LYAR: variants seen among roughly 807,000 people sequenced by gnomAD.
The protein encoded by LYAR is Ly1 antibody reactive.
LYAR carries 37 observed loss-of-function variants against 45.2 expected under a neutral mutation model. That is an observed-to-expected ratio of 0.82 (90% CI 0.63 to 1.08). The LOEUF (loss-of-function observed/expected upper bound fraction) is 1.08. Ranked by LOEUF, LYAR falls within the 50% of genes least tolerant of loss-of-function variation. The probability of loss-of-function intolerance (pLI) is 0.00; values close to 1 mark genes in which losing one functional copy is unlikely to be tolerated. For missense variants in LYAR, 493 were observed against 451.0 expected, an observed-to-expected ratio of 1.09 and a Z score of -0.84; for synonymous variants, 176 against 155.1, an observed-to-expected ratio of 1.14 and a Z score of -1.00.
intron 8 of LYAR, among the ~76,000 whole-genome samples, chr4:4,269,909 T>G (rs1239174716): frequency 6.6e-6 from 1 of 152,186 alleles, no homozygotes; most frequent in Non-Finnish European, 1.5e-5. Flanking sequence ...TATTTCACAA[T>G]GTACATGTAT....
At position 4,268,534 on chromosome 4, in the gene LYAR, T is replaced by C. The variant is rs889173088; in HGVS notation, c.1001A>G (p.Lys334Arg). The C allele has an allele frequency of 6.2e-7, 1 of 1,609,542 alleles. No individual in the cohort carries two copies. Among genetic ancestry groups the C allele is most frequent in the Admixed American group, 1.7e-5 (1 of 59,800 alleles). The change falls in exon 9 of 10, where the codon AAA becomes AGA. Residue 334 changes from lysine (K) to arginine (R), a missense_variant. Lys to Arg is a conservative substitution (Grantham distance 26, BLOSUM62 2). Coordinates refer to ENST00000343470, the MANE Select transcript of LYAR (RefSeq NM_017816.3). ...GGGTTTGTTCATATGCCATACCTTTTTCCTTAGCTTTTTGATGGTTATTTC... is the reference window on the plus strand; with the variant it reads ...GGGTTTGTTCATATGCCATACCTTTCTCCTTAGCTTTTTGATGGTTATTTC... ...DNEITIKKLR[K>R]KVLAQYYTVT...
At chr4:4,281,139 C>T (rs7666580) in intron 4 of LYAR, among the ~76,000 whole-genome samples, 1 of 152,158 alleles carries the variant, frequency 6.6e-6, no homozygotes, top group Non-Finnish European at 1.5e-5. Flanking sequence ...ATTAACATGG[C>T]TTGAGTTATA....
rs1047035744 is a variant in LYAR at position 4,275,844 on chromosome 4, C to A, written c.430-1075G>T. Among the ~76,000 whole-genome samples the A allele has an allele frequency of 2.6e-5, 4 of 152,202 alleles. No homozygotes were observed. The East Asian group carries it at 5.8e-4, about 22-fold the overall frequency. ...CTGAGTAGCTGGGATTACAGGCATG[C>A]ACCACCACACCTGGCTAATTTTTGT... On this transcript the variant is annotated intron_variant, in intron 6 of 9. Transcript: ENST00000343470.
At chr4:4,289,255 C>T (rs1719755925) in intron 1 of LYAR, among the ~76,000 whole-genome samples, 1 of 152,186 alleles carries the variant, frequency 6.6e-6, no homozygotes, top group South Asian at 2.1e-4. Flanking sequence ...CCTACCCCAC[C>T]CACGGCATCA....
chr4:4,281,990 T>A, intron 3 of LYAR, 93 bp from the exon 4 acceptor site: 6 of 753,832 alleles, frequency 8.0e-6, no homozygotes, highest in East Asian at 5.0e-5. Context: ...TGGTCTACAC[T>A]GTATATTTTC....
At chr4:4,275,889 T>A (rs1006212107) in intron 6 of LYAR, among the ~76,000 whole-genome samples, 1 of 152,100 alleles carries the variant, frequency 6.6e-6, no homozygotes, top group Non-Finnish European at 1.5e-5. Flanking sequence ...AGAGACAGGG[T>A]TTCACCATGT....
chr4:4,285,686 C>A (rs1354552886), intron 2 of LYAR, among the ~76,000 whole-genome samples: 1 of 152,192 alleles, frequency 6.6e-6, no homozygotes, highest in African/African-American at 2.4e-5. Context: ...AAAAAACAGT[C>A]TCTGAAACTT....
At chr4:4,275,168 T>C (rs993270772) in intron 6 of LYAR, among the ~76,000 whole-genome samples, 4 of 152,238 alleles carry the variant, frequency 2.6e-5, no homozygotes, top group Non-Finnish European at 5.9e-5. Flanking sequence ...TATTAATTCC[T>C]AGTCAGGTGA....
chr4:4,278,715 T>C (rs980793215), intron 6 of LYAR, among the ~76,000 whole-genome samples: 1 of 152,196 alleles, frequency 6.6e-6, no homozygotes, highest in Non-Finnish European at 1.5e-5. Flanking sequence ...ATTAAATAAA[T>C]GAATGAATAT....
At chr4:4,277,248 T>C (rs1452846205) in intron 6 of LYAR, among the ~76,000 whole-genome samples, 2 of 152,128 alleles carry the variant, frequency 1.3e-5, no homozygotes, top group African/African-American at 4.8e-5. Flanking sequence ...GGTTTCACCA[T>C]GTTGGTCAGG....
chr4:4,275,194 T>G (rs1232057681), intron 6 of LYAR, among the ~76,000 whole-genome samples: 1 of 152,198 alleles, frequency 6.6e-6, no homozygotes, highest in Non-Finnish European at 1.5e-5. Context: ...GGCAAGTCAT[T>G]TATCTTTTCC....
At chr4:4,277,196 G>C (rs866053895) in intron 6 of LYAR, among the ~76,000 whole-genome samples, 3 of 152,058 alleles carry the variant, frequency 2.0e-5, no homozygotes, top group African/African-American at 2.4e-5. Flanking sequence ...CTAGGCGCCT[G>C]CCACCACACC....
chr4:4,283,487 C>T, intron 3 of LYAR, 134 bp downstream of exon 3: 1 of 923,326 alleles, frequency 1.1e-6, no homozygotes, highest in Non-Finnish European at 1.6e-6. Context: ...CAGTTTTAAT[C>T]AATGGAACAT....
intron 8 of LYAR, 143 bp downstream of exon 8, chr4:4,273,440 T>C: frequency 1.6e-6 from 1 of 611,154 alleles, no homozygotes; most frequent in Non-Finnish European, 2.9e-6. Flanking sequence ...TCTCGCTTTT[T>C]GAAAGTGGTA....
chr4:4,276,570 C>T (rs912753451), intron 6 of LYAR, among the ~76,000 whole-genome samples: 1 of 143,584 alleles, frequency 7.0e-6, no homozygotes, highest in Admixed American at 7.1e-5. Context: ...AAAACGGATA[C>T]TGTAGGCCGG....
intron 6 of LYAR, among the ~76,000 whole-genome samples, chr4:4,275,943 G>A (rs1446421310): frequency 1.3e-5 from 2 of 152,318 alleles, no homozygotes; most frequent in East Asian, 1.9e-4. Flanking sequence ...TGATCCGCCC[G>A]ACCTGGCCTC....
At chr4:4,273,435 C>G (rs1577211600) in intron 8 of LYAR, 148 bp downstream of exon 8, 4 of 598,752 alleles carry the variant, frequency 6.7e-6, no homozygotes, top group East Asian at 5.8e-5. Context: ...CTCTCTCTCG[C>G]TTTTTGAAAG....
intron 6 of LYAR, among the ~76,000 whole-genome samples, 185 bp downstream of exon 6, chr4:4,279,262 G>A (rs1719304278): frequency 6.6e-6 from 1 of 152,140 alleles, no homozygotes; most frequent in African/African-American, 2.4e-5. Flanking sequence ...GAACCCAGAG[G>A]CAGAAGTTGC....
At position 4,267,998 on chromosome 4, in the gene LYAR, G is replaced by C; in HGVS notation, c.1031C>G (p.Thr344Arg). 1 of 1,611,662 alleles carries C rather than the reference G, an allele frequency of 6.2e-7. No homozygotes were observed. The highest frequency in any genetic ancestry group is 8.5e-7 in the Non-Finnish European group (1 of 1,179,592). ...CTCTTCGGATCTGTGATGCTCATCTGTCACTGTGTAGTACTGAGCTAAAAC... is the reference window on the plus strand; with the variant it reads ...CTCTTCGGATCTGTGATGCTCATCTCTCACTGTGTAGTACTGAGCTAAAAC... ...KKVLAQYYTVTDEHHRSEEEL... is the reference protein window; with the variant it reads ...KKVLAQYYTVRDEHHRSEEEL... Residue 344 changes from threonine (T) to arginine (R), a missense_variant, in exon 10 of 10, where the codon ACA becomes AGA. Coordinates refer to ENST00000343470, the MANE Select transcript of LYAR (RefSeq NM_017816.3).
Sources: allele counts gnomAD v4.1 joint callset (sites outside exome capture counted in the v4.1 genomes callset), GRCh38; gene constraint gnomAD v4.1.1; transcripts MANE v1.5; gene names NCBI Gene and HGNC (gene_info 2026-07-23, HGNC 2026-07-21).